Variants in NRG1 observed in about 807,000 individuals in gnomAD.
NRG1 encodes the protein pro-neuregulin-1, membrane-bound isoform.
In NRG1, 18 loss-of-function variants were observed where a neutral mutation model predicts 63.8. The observed-to-expected ratio is 0.28, with a 90% CI of 0.19 to 0.42. NRG1 has a LOEUF of 0.42. Ranked by LOEUF, NRG1 falls within the 10% of genes least tolerant of loss-of-function variation. NRG1 has a pLI of 1.00. For missense variants in NRG1, 762 were observed against 814.7 expected, an observed-to-expected ratio of 0.94 and a Z score of 0.79; for synonymous variants, 302 against 301.3, an observed-to-expected ratio of 1.00 and a Z score of -0.02.
At chr8:32,515,432 C>T (rs1829721110) in intron 1 of NRG1, among the ~76,000 whole-genome samples, 1 of 149,118 alleles carries the variant, frequency 6.7e-6, no homozygotes, top group African/African-American at 2.5e-5. Context: ...CTGTTCATGT[C>T]CTTTGCCCAG....
intron 1 of NRG1, among the ~76,000 whole-genome samples, chr8:31,953,053 T>C (rs1803733479): frequency 6.6e-6 from 1 of 152,178 alleles, no homozygotes; most frequent in Admixed American, 6.5e-5. Context: ...ATTTGTAGGT[T>C]TGGGCCTCAA....
intron 1 of NRG1, among the ~76,000 whole-genome samples, chr8:32,313,373 G>T (rs1857034983): frequency 6.6e-6 from 1 of 152,068 alleles, no homozygotes; most frequent in South Asian, 2.1e-4. Flanking sequence ...AGCTGTCCCA[G>T]AATAGCTTGA....
chr8:32,266,086 G>A (rs940779738), intron 1 of NRG1, among the ~76,000 whole-genome samples: 1 of 152,076 alleles, frequency 6.6e-6, no homozygotes, highest in Non-Finnish European at 1.5e-5. Context: ...CATTAAAAAT[G>A]TTTTACCATA....
At chr8:32,066,637 G>C (rs1475373759) in intron 1 of NRG1, among the ~76,000 whole-genome samples, 1 of 152,162 alleles carries the variant, frequency 6.6e-6, no homozygotes, top group Non-Finnish European at 1.5e-5. Context: ...CTCCAGCTTT[G>C]TTCTTCTGGC....
intron 1 of NRG1, among the ~76,000 whole-genome samples, chr8:32,236,312 C>T (rs575025540): frequency 6.6e-4 from 101 of 152,130 alleles, no homozygotes; most frequent in African/African-American, 2.2e-3. Context: ...TTAAAGAAAA[C>T]GCTGACAAAT....
chr8:32,307,261 C>T (rs1324697373), intron 1 of NRG1, among the ~76,000 whole-genome samples: 1 of 152,104 alleles, frequency 6.6e-6, no homozygotes, highest in Non-Finnish European at 1.5e-5. Context: ...AGAACCACTC[C>T]TTGATGCAAA....
At chr8:31,639,813 C>T (rs1209226692) in intron 1 of NRG1, 34 of 1,237,040 alleles carry the variant, frequency 2.7e-5, no homozygotes, top group Non-Finnish European at 3.3e-5. Context: ...CTTCCCCCTC[C>T]TCCTCCCATA....
intron 1 of NRG1, among the ~76,000 whole-genome samples, chr8:32,570,504 A>AT (rs763650148): frequency 6.6e-6 from 1 of 151,860 alleles, no homozygotes; most frequent in Non-Finnish European, 1.5e-5. Context: ...GCTTTTAAAT[A>AT]TTTTTTTTGG....
intron 1 of NRG1, among the ~76,000 whole-genome samples, chr8:31,883,168 T>A (rs1037166587): frequency 6.6e-6 from 1 of 152,064 alleles, no homozygotes; most frequent in Non-Finnish European, 1.5e-5. Flanking sequence ...GCAACCACCA[T>A]CCTGATCAGT....
At chr8:32,718,707 TC>T (rs1387545476) in intron 5 of NRG1, among the ~76,000 whole-genome samples, 1 of 152,122 alleles carries the variant, frequency 6.6e-6, no homozygotes, top group Non-Finnish European at 1.5e-5. Context: ...CTTTCTTACC[TC>T]CGCATTTATT....
At chr8:32,358,869 T>C (rs948506560) in intron 1 of NRG1, among the ~76,000 whole-genome samples, 18 of 152,266 alleles carry the variant, frequency 1.2e-4, no homozygotes, top group Admixed American at 1.1e-3. Context: ...CTATCTTCTG[T>C]TTCTTAAAAA....
intron 1 of NRG1, among the ~76,000 whole-genome samples, chr8:31,668,266 G>A (rs184199700): frequency 6.6e-6 from 1 of 152,142 alleles, no homozygotes; most frequent in African/African-American, 2.4e-5. Context: ...GGCAATAATG[G>A]AAATTTATTT....
intron 1 of NRG1, among the ~76,000 whole-genome samples, chr8:32,044,779 A>C (rs1198183335): frequency 6.6e-6 from 1 of 151,606 alleles, no homozygotes; most frequent in Non-Finnish European, 1.5e-5. Flanking sequence ...AAAGTACAGC[A>C]TATCAAATTT....
chr8:32,166,150 A>C (rs1231846513), intron 1 of NRG1, among the ~76,000 whole-genome samples: 2 of 152,196 alleles, frequency 1.3e-5, no homozygotes, highest in Non-Finnish European at 2.9e-5. Context: ...GAAGTTGCTT[A>C]AAAGGCTGAT....
rs151259444 is a variant in NRG1 at position 32,498,448 on chromosome 8, T to C, written c.38-97380T>C. ...GCAGAAGGAGAAGCAAACACATCCT[T>C]CTTCACATGGCGGCTGCAAGGAGAA... On this transcript the variant is annotated intron_variant, in intron 1 of 10. Coordinates refer to the NRG1 transcript ENST00000519301. 7.7e-3 allele frequency among the ~76,000 whole-genome samples: 1,165 copies of C among 152,222 alleles called. 10 individuals are homozygous for C. Among genetic ancestry groups the C allele is most frequent in the Non-Finnish European group, 0.013 (865 of 68,018 alleles).
intron 1 of NRG1, among the ~76,000 whole-genome samples, chr8:32,254,467 G>C (rs1372779810): frequency 6.6e-6 from 1 of 152,150 alleles, no homozygotes; most frequent in Non-Finnish European, 1.5e-5. Flanking sequence ...AGGTTGTTCA[G>C]GTTCCATGTA....
chr8:31,666,445 T>C (rs1019668980), intron 1 of NRG1, among the ~76,000 whole-genome samples: 15 of 151,976 alleles, frequency 9.9e-5, no homozygotes, highest in African/African-American at 3.1e-4. Flanking sequence ...AAAAAATAGG[T>C]CACTGGGGAA....
chr8:31,947,541 T>C (rs1452403366), intron 1 of NRG1, among the ~76,000 whole-genome samples: 3 of 152,132 alleles, frequency 2.0e-5, no homozygotes, highest in Non-Finnish European at 4.4e-5. Flanking sequence ...TTGAACTCTG[T>C]TCACATATCC....
intron 1 of NRG1, among the ~76,000 whole-genome samples, chr8:32,419,743 C>A (rs1430433282): frequency 6.6e-6 from 1 of 152,094 alleles, no homozygotes; most frequent in East Asian, 1.9e-4. Flanking sequence ...ATATTGCATG[C>A]AAGGTAAACA....
Sources: gnomAD v4.1 joint callset for allele counts (sites outside exome capture counted in the v4.1 genomes callset) on GRCh38, gnomAD v4.1.1 for gene constraint, MANE v1.5 for transcripts, NCBI Gene and HGNC (gene_info 2026-07-23, HGNC 2026-07-21) for gene names.